The following ALOX15B variants were observed in gnomAD, a reference collection of about 807,000 sequenced individuals.
ALOX15B encodes arachidonate 15-lipoxygenase type B.
In ALOX15B, 74 loss-of-function variants were observed where a neutral mutation model predicts 73.8. The ratio of observed to expected loss-of-function variants is 1.00; its 90% CI spans 0.83 to 1.22. The LOEUF (loss-of-function observed/expected upper bound fraction) is 1.22, where lower values mean the gene tolerates loss of function less well. ALOX15B is among the 50% of genes most tolerant of loss of function. ALOX15B has a pLI of 0.00. For missense variants in ALOX15B, 896 were observed against 859.9 expected (o/e 1.04, Z -0.52); for synonymous variants, 353 against 357.2 (o/e 0.99, Z 0.13).
chr17:8,040,640 A>AAAGAAAGAAAGG (rs1567969641), intron 3 of ALOX15B, among the ~76,000 whole-genome samples: 8 of 130,154 alleles, frequency 6.1e-5, no homozygotes, highest in African/African-American at 2.1e-4. Flanking sequence ...AGAAAGAAAG[A>AAAGAAAGAAAGG]AAGAAAGAAA....
chr17:8,040,647 G>GAACGAAAGAAAGAAAGA (rs1555638508), intron 3 of ALOX15B, among the ~76,000 whole-genome samples: 5 of 122,270 alleles, frequency 4.1e-5, no homozygotes, highest in African/African-American at 1.4e-4. Flanking sequence ...AAGAAAGAAA[G>GAACGAAAGAAAGAAAGA]AAAGAAAAGA....
At position 8,047,852 on chromosome 17, in the gene ALOX15B, T is replaced by C. The variant is rs772997056; in HGVS notation, c.1788T>C (p.Pro596=). 6.2e-7 allele frequency: 1 copy of C among 1,614,148 alleles called. No individual in the cohort carries two copies. The highest frequency in any genetic ancestry group is 2.2e-5 in the East Asian group (1 of 44,876). The change falls in exon 13 of 14, where the codon CCT becomes CCC. Residue 596 remains proline (P), a synonymous_variant. Coordinates refer to ENST00000380183, the MANE Select transcript of ALOX15B (RefSeq NM_001141.3). ...AGGGCTTCATAGCCACCCTCCCACCTGTCAATGCCACATGTGATGTCATCC... is the reference window on the plus strand; with the variant it reads ...AGGGCTTCATAGCCACCCTCCCACCCGTCAATGCCACATGTGATGTCATCC... ...TCEGFIATLP[P]VNATCDVILA...
At position 8,039,966 on chromosome 17, in the gene ALOX15B, C is replaced by T. The variant is rs766739548; in HGVS notation, c.432C>T (p.Ala144=). ...AACAGCGCCAGGAGGAGCTTCAGGCCCGGCAGGAGATGTACCAGTGAGGAG... is the reference window on the plus strand; with the variant it reads ...AACAGCGCCAGGAGGAGCTTCAGGCTCGGCAGGAGATGTACCAGTGAGGAG... ...LQQQRQEELQ[A]RQEMYQWKAY... is the part of the protein sequence containing the mutation. Residue 144 remains alanine, a synonymous_variant, in exon 3 of 14, where the codon GCC becomes GCT. Transcript: ENST00000380183. The T allele has an allele frequency of 1.5e-5, 25 of 1,613,244 alleles. 1 individual carries two copies. In the South Asian group the frequency reaches 2.7e-4, roughly 18 times the overall value.
chr17:8,045,499 G>T lies in ALOX15B; in HGVS notation c.1013G>T (p.Gly338Val). 4 of 1,614,030 alleles carry T rather than the reference G, an allele frequency of 2.5e-6. No individual in the cohort carries two copies. Among genetic ancestry groups the T allele is most frequent in the Non-Finnish European group, 3.4e-6 (4 of 1,179,982 alleles). ...TCCCCCCAGCTCAGCCAGACCCCCGGCCCAAACAGCCCCATCTTCCTGCCC... is the reference window on the plus strand; with the variant it reads ...TCCCCCCAGCTCAGCCAGACCCCCGTCCCAAACAGCCCCATCTTCCTGCCC... ...PLAIQLSQTP[G>V]PNSPIFLPTD... The change falls in exon 8 of 14, where the codon GGC (glycine) becomes GTC (valine). Residue 338 changes from glycine to valine, a missense_variant. Coordinates refer to ENST00000380183, the MANE Select transcript of ALOX15B (RefSeq NM_001141.3).
chr17:8,044,423 CAA>C (rs56146478), intron 5 of ALOX15B, among the ~76,000 whole-genome samples: 80 of 93,658 alleles, frequency 8.5e-4, no homozygotes, highest in Admixed American at 1.1e-3. Flanking sequence ...CAGCCTGTCT[CAA>C]AAAAAAAAAA....
chr17:8,042,409 G>A lies in ALOX15B; in HGVS notation c.490G>A (p.Glu164Lys). ...CCCAGGTTGGCCTCACTGCCTGGATGAAAAGACAGTGGAAGACTTGGAGCT... is the reference window on the plus strand; with the variant it reads ...CCCAGGTTGGCCTCACTGCCTGGATAAAAAGACAGTGGAAGACTTGGAGCT... ...YNPGWPHCLD[E>K]KTVEDLELNI... The change falls in exon 4 of 14, where the codon GAA becomes AAA. Residue 164 changes from glutamate (E) to lysine (K), a missense_variant. Physicochemically the swap from Glu to Lys is moderately conservative, Grantham distance 56 (BLOSUM62 1). Coordinates refer to ENST00000380183, the MANE Select transcript of ALOX15B (RefSeq NM_001141.3). The A allele has an allele frequency of 1.2e-6, 2 of 1,614,148 alleles. No individual in the cohort carries two copies. Among genetic ancestry groups the A allele is most frequent in the Non-Finnish European group, 1.7e-6 (2 of 1,180,030 alleles).
rs1444331518 is a variant in ALOX15B at position 8,047,328 on chromosome 17, G to T, written c.1528G>T (p.Ala510Ser). The T allele has an allele frequency of 3.1e-6, 5 of 1,613,982 alleles. No homozygotes were observed. In the African/African-American group the frequency reaches 6.7e-5, roughly 22 times the overall value. Residue 510 changes from alanine to serine, a missense_variant, in exon 11 of 14, where the codon GCC becomes TCC. Ala to Ser is a moderately conservative substitution (Grantham distance 99). Coordinates refer to ENST00000380183, the MANE Select transcript of ALOX15B (RefSeq NM_001141.3). ...ESVQDDRELQ[A>S]WVREIFSKGF... ...TGTCCAAGATGACAGAGAGCTCCAG[G>T]CCTGGGTCAGAGAGATCTTCTCCAA...
chr17:8,048,019 C>T, intron 13 of ALOX15B, 104 bp downstream of exon 13: 1 of 1,361,896 alleles, frequency 7.3e-7, no homozygotes, highest in African/African-American at 1.4e-5. Context: ...GTAGCGGGTC[C>T]CTTTGCCCCA....
At position 8,042,815 on chromosome 17, in the gene ALOX15B, C is replaced by T. The variant is rs772132269; in HGVS notation, c.607C>T (p.Arg203Cys). Reference sequence around the variant, plus strand: ...GATGAAAATCAAGGGGTTGCTGGACCGCAAGGGGCTCTGGAGGAGTCTGAA... The same window carrying T: ...GATGAAAATCAAGGGGTTGCTGGACTGCAAGGGGCTCTGGAGGAGTCTGAA... ...AEMKIKGLLD[R>C]KGLWRSLNEM... Residue 203 changes from arginine to cysteine, a missense_variant, in exon 5 of 14, where the codon CGC (arginine) becomes TGC (cysteine). Coordinates refer to ENST00000380183, the MANE Select transcript of ALOX15B (RefSeq NM_001141.3). The T allele has an allele frequency of 1.1e-5, 17 of 1,559,800 alleles. No individual in the cohort carries two copies. The highest frequency in any genetic ancestry group is 2.0e-4 in the Middle Eastern group (1 of 4,940).
chr17:8,046,816 C>G, intron 9 of ALOX15B, 62 bp downstream of exon 9: 1 of 1,612,034 alleles, frequency 6.2e-7, no homozygotes, highest in Non-Finnish European at 8.5e-7. Flanking sequence ...AATTTGAGGT[C>G]CTGGGGTAGG....
chr17:8,048,652 A>T lies in ALOX15B; in HGVS notation c.*87A>T. On this transcript the variant is annotated 3_prime_UTR_variant, in exon 14 of 14. Coordinates refer to ENST00000380183, the MANE Select transcript of ALOX15B (RefSeq NM_001141.3). ...CACCCAGAGAAAAGGACTCCTCAGA[A>T]AAAACAGGCCCCCATGTGCCTCTCC... 1 of 1,463,592 alleles carries T rather than the reference A, an allele frequency of 6.8e-7. No homozygotes were observed. The highest frequency in any genetic ancestry group is 2.3e-5 in the East Asian group (1 of 43,106). 90.7% of individuals were successfully genotyped at this position (1,463,592 alleles called of 1,614,324 possible).
Position 8,045,628 on chromosome 17 carries a change from C to T in ALOX15B, c.1142C>T (p.Pro381Leu). 6.2e-7 allele frequency: 1 copy of T among 1,614,218 alleles called. No homozygotes were observed. Among genetic ancestry groups the T allele is most frequent in the Non-Finnish European group, 8.5e-7 (1 of 1,180,042 alleles). ...CACCTGCTGCACTCACATCTGCTGC[C>T]TGAGGTCTTCACCCTGGCTACCCTG... Reference protein sequence around the residue: ...LTHLLHSHLLPEVFTLATLRQ... With the variant: ...LTHLLHSHLLLEVFTLATLRQ... Residue 381 changes from proline to leucine, a missense_variant, in exon 8 of 14, where the codon CCT becomes CTT. Coordinates refer to ENST00000380183, the MANE Select transcript of ALOX15B (RefSeq NM_001141.3).
At position 8,039,613 on chromosome 17, in the gene ALOX15B, G is replaced by C. The variant is rs780267136; in HGVS notation, c.367+8G>C. 14 of 1,307,080 alleles carry C rather than the reference G, an allele frequency of 1.1e-5. No homozygotes were observed. The African/African-American group carries it at 1.9e-4, about 17-fold the overall frequency. 81.0% of individuals were successfully genotyped at this position (1,307,080 alleles called of 1,614,324 possible). A position where few individuals can be genotyped will look rare whatever the true frequency, so the allele number is the denominator to read the frequency against. ...TGCTGCAGGAGGGTACAGGTGAGGG[G>C]CGGGCCGGGCTGGGGCTGCAGGGGG... On this transcript the variant is annotated splice_region_variant and intron_variant, in intron 2 of 13. Coordinates refer to ENST00000380183, the MANE Select transcript of ALOX15B (RefSeq NM_001141.3).
chr17:8,045,126 A>C (rs368828290), intron 6 of ALOX15B, 112 bp from the exon 7 acceptor site: 5 of 1,589,002 alleles, frequency 3.1e-6, no homozygotes, highest in Non-Finnish European at 3.4e-6. Flanking sequence ...CGTGCCAAGC[A>C]CACTCTCCCG....
At chr17:8,044,708 A>T (rs1398634597) in intron 5 of ALOX15B, 121 bp from the exon 6 acceptor site, 5 of 836,984 alleles carry the variant, frequency 6.0e-6, no homozygotes, top group Non-Finnish European at 9.3e-6. Flanking sequence ...AACTCTGAGG[A>T]CACACTGTGA....
rs756302383 is a variant in ALOX15B, at chr17:8,044,952, T to C, written c.800T>C (p.Met267Thr). 14 of 1,614,014 alleles carry C rather than the reference T, an allele frequency of 8.7e-6. 1 individual carries two copies. The South Asian group carries it at 1.4e-4, about 16-fold the overall frequency. The change falls in exon 6 of 14, where the codon ATG (methionine) becomes ACG (threonine). Residue 267 changes from methionine to threonine, a missense_variant. By Grantham distance (81) the Met-to-Thr change is moderately conservative. Transcript: ENST00000380183. ...AAGAACTTCCCCGTCACTGATGCCATGGTGGCCTCAGTGTTGGGTCCTGGG... is the reference window on the plus strand; with the variant it reads ...AAGAACTTCCCCGTCACTGATGCCACGGTGGCCTCAGTGTTGGGTCCTGGG... ...LPKNFPVTDAMVASVLGPGTS... is the reference protein window; with the variant it reads ...LPKNFPVTDATVASVLGPGTS...
Position 8,045,289 on chromosome 17 carries a change from A to G in ALOX15B, c.901A>G (p.Asn301Asp). Residue 301 changes from asparagine (N) to aspartate (D), a missense_variant, in exon 7 of 14, where the codon AAT becomes GAT. Transcript: ENST00000380183. ...DHGILSGIQT[N>D]VINGKPQFSA... is the part of the protein sequence containing the mutation. The stretch of plus-strand genomic sequence containing the variant: ...CGGCATCCTCTCTGGCATCCAGACC[A>G]ATGTCATTAATGGGAAGCCTCAGTT... 1 of 1,614,134 alleles carries G rather than the reference A, an allele frequency of 6.2e-7. No individual in the cohort carries two copies.
Position 8,048,628 on chromosome 17 carries a change from AC to A in ALOX15B, c.*66del. 6.5e-7 allele frequency: 1 copy of A among 1,534,754 alleles called. No homozygotes were observed. ...ACCACATCGCTCTAGGATAACTGGC[AC>A]CCAGAGAAAAGGACTCCTCAGAAAA... On this transcript the variant is annotated 3_prime_UTR_variant, in exon 14 of 14. Coordinates refer to ENST00000380183, the MANE Select transcript of ALOX15B (RefSeq NM_001141.3).
chr17:8,047,507 C>G, intron 11 of ALOX15B, 57 bp from the exon 12 acceptor site: 1 of 1,570,644 alleles, frequency 6.4e-7, no homozygotes, highest in South Asian at 1.1e-5. Context: ...CCTCAAGCCT[C>G]CGCAGCAGGG....
Sources: gnomAD v4.1 joint callset for allele counts (sites outside exome capture counted in the v4.1 genomes callset) on GRCh38, gnomAD v4.1.1 for gene constraint, MANE v1.5 for transcripts, NCBI Gene and HGNC (gene_info 2026-07-23, HGNC 2026-07-21) for gene names.